The following HMGA2 variants were observed in gnomAD, a reference collection of about 807,000 sequenced individuals.
The protein encoded by HMGA2 is high mobility group AT-hook 2.
In HMGA2, 8 loss-of-function variants were observed where a neutral mutation model predicts 19.1. The ratio of observed to expected loss-of-function variants is 0.42; its 90% CI spans 0.25 to 0.76. The LOEUF is 0.76. Ranked by LOEUF, HMGA2 falls within the 30% of genes least tolerant of loss-of-function variation. The probability of loss-of-function intolerance (pLI) is 0.28; values close to 1 mark genes in which losing one functional copy is unlikely to be tolerated. For missense variants in HMGA2, 109 were observed against 136.3 expected, an observed-to-expected ratio of 0.80 and a Z score of 1.00; for synonymous variants, 60 against 48.8, an observed-to-expected ratio of 1.23 and a Z score of -0.96.
chr12:65,941,945 G>A (rs960246739), intron 3 of HMGA2, among the ~76,000 whole-genome samples: 2 of 152,154 alleles, frequency 1.3e-5, no homozygotes, highest in Non-Finnish European at 2.9e-5. Flanking sequence ...GTCAAATTGT[G>A]TGTATCTAGT....
chr12:65,856,276 G>T (rs1365890080), intron 3 of HMGA2: 2 of 152,212 alleles, frequency 1.3e-5, no homozygotes, highest in African/African-American at 4.8e-5. Context: ...GTATTAAAAT[G>T]TTGGTCTGTG....
rs1876884092 is a variant in HMGA2, at chr12:65,965,546, C to T, written c.*2254C>T. 1 of 211,230 alleles carries T rather than the reference C, an allele frequency of 4.7e-6. No individual in the cohort carries two copies. The highest frequency in any genetic ancestry group is 5.9e-5 in the Admixed American group (1 of 17,022). 13.1% of individuals were successfully genotyped at this position (211,230 alleles called of 1,614,324 possible). A position where few individuals can be genotyped will look rare whatever the true frequency, so the allele number is the denominator to read the frequency against. On this transcript the variant is annotated 3_prime_UTR_variant, in exon 5 of 5. Transcript: ENST00000403681. ...ACCTCTCTGAGACTGGCAGATCGCT[C>T]ACTGTTGTGAATCACCAAAGGAGCT...
At chr12:65,955,429 T>C (rs1876578996) in intron 4 of HMGA2, 1 of 152,182 alleles carries the variant, frequency 6.6e-6, no homozygotes, top group African/African-American at 2.4e-5. Flanking sequence ...AAAGTTTCGC[T>C]AGTTTATCAG....
chr12:65,914,987 A>C (rs148485269), intron 3 of HMGA2: 1 of 1,598,680 alleles, frequency 6.3e-7, no homozygotes, highest in Non-Finnish European at 8.6e-7. Context: ...AAAAATGTCT[A>C]TTAGTGTTCC....
chr12:65,836,443 G>A (rs922133450), intron 2 of HMGA2, among the ~76,000 whole-genome samples: 1 of 152,140 alleles, frequency 6.6e-6, no homozygotes, highest in African/African-American at 2.4e-5. Flanking sequence ...AGCACCTCAT[G>A]GGAGGCAGGA....
chr12:65,897,794 T>C (rs1009714215), intron 3 of HMGA2, among the ~76,000 whole-genome samples: 1 of 152,112 alleles, frequency 6.6e-6, no homozygotes, highest in African/African-American at 2.4e-5. Flanking sequence ...ACCCTGTCTC[T>C]ACTAAAATTA....
chr12:65,927,024 G>A (rs1276853884), intron 3 of HMGA2, among the ~76,000 whole-genome samples: 2 of 152,218 alleles, frequency 1.3e-5, no homozygotes, highest in Non-Finnish European at 2.9e-5. Context: ...GGTGAATGGC[G>A]TGGATGTTAC....
At chr12:65,942,063 G>C (rs1454116514) in intron 3 of HMGA2, among the ~76,000 whole-genome samples, 1 of 152,196 alleles carries the variant, frequency 6.6e-6, no homozygotes. Context: ...CGTGATTGGA[G>C]TATTAACAAC....
intron 3 of HMGA2, among the ~76,000 whole-genome samples, chr12:65,927,607 G>A (rs1483713787): frequency 6.6e-6 from 1 of 152,164 alleles, no homozygotes; most frequent in Non-Finnish European, 1.5e-5. Context: ...AACCTAGCAA[G>A]TTCCAGAGAC....
In HMGA2 at chr12:65,945,354, C is replaced by A. The variant is rs143699168; in HGVS notation, c.250-6029C>A. On this transcript the variant is annotated intron_variant, in intron 3 of 4. Coordinates refer to ENST00000403681, the MANE Select transcript of HMGA2 (RefSeq NM_003483.6). The stretch of plus-strand genomic sequence containing the variant: ...AGTTTTAAAACTAAATCCGGAGGGC[C>A]ATGAACAAGTATGTCGATCACATAA... Among the ~76,000 whole-genome samples, 776 of 152,204 alleles carry A rather than the reference C, an allele frequency of 5.1e-3. 6 individuals carry two copies. Among genetic ancestry groups the A allele is most frequent in the Middle Eastern group, 0.017 (5 of 294 alleles).
At chr12:65,911,367 G>A (rs1565729936) in intron 3 of HMGA2, among the ~76,000 whole-genome samples, 1 of 152,136 alleles carries the variant, frequency 6.6e-6, no homozygotes, top group Non-Finnish European at 1.5e-5. Context: ...GCTTAATAAT[G>A]GGCTGGTTGT....
intron 3 of HMGA2, among the ~76,000 whole-genome samples, chr12:65,887,729 T>C (rs921354798): frequency 2.6e-5 from 4 of 152,058 alleles, no homozygotes; most frequent in African/African-American, 9.7e-5. Context: ...TTAGGATTTG[T>C]AAAATTTTAA....
intron 3 of HMGA2, among the ~76,000 whole-genome samples, chr12:65,841,147 GAT>G (rs1228496392): frequency 2.6e-5 from 4 of 152,134 alleles, no homozygotes; most frequent in African/African-American, 7.2e-5. Flanking sequence ...GCAATTAAAG[GAT>G]ATATATGTTT....
intron 3 of HMGA2, among the ~76,000 whole-genome samples, chr12:65,946,625 CA>C (rs1198117966): frequency 6.6e-6 from 1 of 152,018 alleles, no homozygotes; most frequent in Non-Finnish European, 1.5e-5. Flanking sequence ...CAATACCTAC[CA>C]GAAGGAGTGG....
intron 3 of HMGA2, chr12:65,842,576 C>T (rs1871046821): frequency 6.6e-7 from 1 of 1,509,102 alleles, no homozygotes; most frequent in African/African-American, 1.4e-5. Context: ...CATTTTAATT[C>T]TCTTTGCTAT....
chr12:65,843,650 G>A (rs1871099234), intron 3 of HMGA2: 1 of 162,354 alleles, frequency 6.2e-6, no homozygotes, highest in South Asian at 2.1e-4. Context: ...TTTCCCTCCA[G>A]AGAGGTTTGC....
rs750112246 is a variant in HMGA2, at chr12:65,941,273, G to C, written c.250-10110G>C. Reference sequence around the variant, plus strand: ...TTTTAATTTACAGCTTCTGAGGAAAGGTCATCAATCCAGAGAAGACCGTGA... The same window carrying C: ...TTTTAATTTACAGCTTCTGAGGAAACGTCATCAATCCAGAGAAGACCGTGA... On this transcript the variant is annotated intron_variant, in intron 3 of 4. Transcript: ENST00000403681. Among the ~76,000 whole-genome samples, 17 of 152,264 alleles carry C rather than the reference G, an allele frequency of 1.1e-4. No homozygotes were observed. In the South Asian group the frequency reaches 2.3e-3, roughly 20 times the overall value.
intron 3 of HMGA2, among the ~76,000 whole-genome samples, chr12:65,900,031 G>T (rs546916396): frequency 5.3e-5 from 8 of 152,088 alleles, no homozygotes; most frequent in African/African-American, 1.9e-4. Flanking sequence ...AAATCTTTAC[G>T]GATAGGGTAA....
intron 3 of HMGA2, among the ~76,000 whole-genome samples, chr12:65,944,094 T>C (rs1876180541): frequency 6.6e-6 from 1 of 152,162 alleles, no homozygotes; most frequent in South Asian, 2.1e-4. Context: ...CTGAAATAAA[T>C]CCTTCAAACT....
Sources: gnomAD v4.1 joint callset for allele counts (sites outside exome capture counted in the v4.1 genomes callset) on GRCh38, gnomAD v4.1.1 for gene constraint, MANE v1.5 for transcripts, NCBI Gene and HGNC (gene_info 2026-07-23, HGNC 2026-07-21) for gene names.